SMYD3: variants seen among roughly 807,000 people sequenced by gnomAD.
The protein encoded by SMYD3 is histone-lysine N-methyltransferase SMYD3.
A neutral mutation model predicts 57.7 loss-of-function variants in SMYD3; 36 were observed. That is an observed-to-expected ratio of 0.62 (90% CI 0.48 to 0.82). The LOEUF (loss-of-function observed/expected upper bound fraction) is 0.82, where lower values mean the gene tolerates loss of function less well. Among genes scored for constraint, SMYD3 ranks in the 40% least tolerant of loss-of-function variants. SMYD3 has a pLI of 0.00. For synonymous variants in SMYD3, 211 were observed against 195.0 expected (o/e 1.08, Z -0.68); for missense variants, 515 against 538.8 (o/e 0.96, Z 0.44).
intron 10 of SMYD3, among the ~76,000 whole-genome samples, chr1:245,851,989 A>G (rs973437313): frequency 3.9e-5 from 6 of 152,222 alleles, no homozygotes; most frequent in Admixed American, 2.0e-4. Context: ...CTACACATAC[A>G]TCAGCAGCAC....
chr1:246,229,554 A>G (rs2148444298), intron 5 of SMYD3, among the ~76,000 whole-genome samples: 1 of 152,344 alleles, frequency 6.6e-6, no homozygotes, highest in South Asian at 2.1e-4. Context: ...CTGTTTTCGC[A>G]GTTATAATGA....
intron 1 of SMYD3, 108 bp downstream of exon 1, chr1:246,506,946 C>G: frequency 9.2e-7 from 1 of 1,090,344 alleles, no homozygotes; most frequent in South Asian, 1.8e-5. Context: ...GCTGCCTGTG[C>G]AGCCCCATCC....
At chr1:245,797,227 C>G (rs912792307) in intron 10 of SMYD3, among the ~76,000 whole-genome samples, 1 of 152,072 alleles carries the variant, frequency 6.6e-6, no homozygotes, top group Non-Finnish European at 1.5e-5. Flanking sequence ...CACATGCACA[C>G]GTATGTTTAT....
intron 9 of SMYD3, among the ~76,000 whole-genome samples, chr1:245,861,602 C>T (rs762974566): frequency 1.4e-4 from 21 of 152,196 alleles, no homozygotes; most frequent in Non-Finnish European, 2.9e-4. Context: ...TATTGCACAG[C>T]CAGCAGCTTC....
intron 8 of SMYD3, among the ~76,000 whole-genome samples, chr1:245,867,221 T>C (rs1572548521): frequency 6.6e-6 from 1 of 152,282 alleles, no homozygotes; most frequent in East Asian, 1.9e-4. Context: ...TGAGAAGAAC[T>C]TAACCAGAAG....
intron 5 of SMYD3, among the ~76,000 whole-genome samples, chr1:246,278,436 T>TC (rs2064378197): frequency 6.6e-6 from 1 of 152,106 alleles, no homozygotes; most frequent in African/African-American, 2.4e-5. Flanking sequence ...TTCATAAAAC[T>TC]CCATCTTGCC....
Position 246,359,693 on chromosome 1 carries a change from G to A in SMYD3, c.165-4599C>T, listed in dbSNP as rs140631012. Among the ~76,000 whole-genome samples the A allele has an allele frequency of 1.9e-3, 286 of 152,202 alleles. 2 individuals carry two copies. Among genetic ancestry groups the A allele is most frequent in the African/African-American group, 6.6e-3 (273 of 41,534 alleles). On this transcript the variant is annotated intron_variant, in intron 1 of 11. Coordinates refer to ENST00000490107, the MANE Select transcript of SMYD3 (RefSeq NM_001167740.2). ...TCAAATGTGATATGCCACATAAACA[G>A]AATTAAAAACAAGAATCACATGATC...
intron 10 of SMYD3, among the ~76,000 whole-genome samples, chr1:245,810,690 G>C (rs147054305): frequency 6.6e-4 from 100 of 152,308 alleles, no homozygotes; most frequent in African/African-American, 2.4e-3. Flanking sequence ...GAGCTTATGT[G>C]TCTAGCCTGG....
intron 10 of SMYD3, among the ~76,000 whole-genome samples, chr1:245,836,527 G>T (rs1047019631): frequency 1.3e-5 from 2 of 152,212 alleles, no homozygotes; most frequent in African/African-American, 4.8e-5. Flanking sequence ...CTCCGAGTCG[G>T]TTGGGGTTTG....
At chr1:246,227,932 C>A in intron 5 of SMYD3, among the ~76,000 whole-genome samples, 1 of 150,350 alleles carries the variant, frequency 6.7e-6, no homozygotes, top group East Asian at 2.0e-4. Context: ...ATTTACCTAA[C>A]ACCACATTTC....
At chr1:246,050,099 A>T (rs1027770901) in intron 5 of SMYD3, among the ~76,000 whole-genome samples, 4 of 152,246 alleles carry the variant, frequency 2.6e-5, no homozygotes. Flanking sequence ...GCCATAAACT[A>T]CAAGCTAGTG....
At chr1:246,422,749 A>C (rs2102999398) in intron 1 of SMYD3, among the ~76,000 whole-genome samples, 1 of 152,248 alleles carries the variant, frequency 6.6e-6, no homozygotes, top group Non-Finnish European at 1.5e-5. Flanking sequence ...ATGAACTCAT[A>C]AGTACTCTTA....
chr1:245,914,895 G>A lies in SMYD3; in HGVS notation c.813+635C>T, dbSNP rs2055287583. On this transcript the variant is annotated intron_variant, in intron 8 of 11. Transcript: ENST00000490107. Reference sequence around the variant, plus strand: ...TATTATGTGTCAACTAAAAACAAAAGGAAAAAACTATAAGGATAAAAAACA... The same window carrying A: ...TATTATGTGTCAACTAAAAACAAAAAGAAAAAACTATAAGGATAAAAAACA... 3.3e-5 allele frequency among the ~76,000 whole-genome samples: 5 copies of A among 152,004 alleles called. No individual in the cohort carries two copies. The South Asian group carries it at 1.0e-3, about 32-fold the overall frequency.
intron 5 of SMYD3, among the ~76,000 whole-genome samples, chr1:246,219,932 C>T (rs12059512): frequency 0.052 from 7,858 of 152,204 alleles, 692 homozygotes; most frequent in African/African-American, 0.18. Context: ...TACTCCACCT[C>T]CCACCTTGTT....
chr1:246,226,490 G>C (rs1187513031), intron 5 of SMYD3, among the ~76,000 whole-genome samples: 1 of 152,140 alleles, frequency 6.6e-6, no homozygotes, highest in African/African-American at 2.4e-5. Context: ...TTCAGTTAGT[G>C]GTATAGTTTG....
chr1:246,170,998 GT>G (rs1225192804), intron 5 of SMYD3, among the ~76,000 whole-genome samples: 1 of 151,750 alleles, frequency 6.6e-6, no homozygotes, highest in South Asian at 2.1e-4. Context: ...ATTTTCTATG[GT>G]TTCATAGTCT....
At chr1:246,416,212 G>A (rs1389131718) in intron 1 of SMYD3, among the ~76,000 whole-genome samples, 3 of 152,142 alleles carry the variant, frequency 2.0e-5, no homozygotes, top group Non-Finnish European at 4.4e-5. Context: ...AACATCATAT[G>A]AGACAGCAGT....
intron 5 of SMYD3, among the ~76,000 whole-genome samples, chr1:245,972,128 A>G (rs2058317686): frequency 1.3e-5 from 2 of 152,208 alleles, no homozygotes; most frequent in Non-Finnish European, 2.9e-5. Context: ...CCCTGGTACA[A>G]GACTGTTTTC....
intron 10 of SMYD3, among the ~76,000 whole-genome samples, chr1:245,843,252 G>A (rs1446703880): frequency 6.6e-6 from 1 of 152,120 alleles, no homozygotes; most frequent in Admixed American, 6.5e-5. Context: ...GGGGTAGACA[G>A]GATGTGGACG....
Sources: allele counts gnomAD v4.1 joint callset (sites outside exome capture counted in the v4.1 genomes callset), GRCh38; gene constraint gnomAD v4.1.1; transcripts MANE v1.5; gene names NCBI Gene and HGNC (gene_info 2026-07-23, HGNC 2026-07-21).